The following RIC3 variants were observed in gnomAD, a reference collection of about 807,000 sequenced individuals.
The protein encoded by RIC3 is RIC3 acetylcholine receptor chaperone, also known as protein RIC-3.
RIC3 carries 28 observed loss-of-function variants against 27.3 expected under a neutral mutation model. The ratio of observed to expected loss-of-function variants is 1.02; its 90% confidence interval spans 0.76 to 1.41. The LOEUF is 1.41. Ranked by LOEUF, RIC3 falls within the 40% of genes most tolerant of loss-of-function variation. RIC3 has a pLI of 0.00. For missense variants in RIC3, 501 were observed against 444.7 expected (o/e 1.13, Z -1.14); for synonymous variants, 184 against 160.4 (o/e 1.15, Z -1.11).
chr11:8,101,546 A>G (rs772856470), downstream of RIC3: 4 of 1,614,172 alleles, frequency 2.5e-6, no homozygotes, highest in South Asian at 2.2e-5. Flanking sequence ...ATGGATTACA[A>G]CTACCCGCTG....
intron 5 of RIC3, among the ~76,000 whole-genome samples, chr11:8,120,592 G>C (rs1946327675): frequency 6.6e-6 from 1 of 152,098 alleles, no homozygotes; most frequent in South Asian, 2.1e-4. Flanking sequence ...TGAGTTGATG[G>C]GTGGAGCAAA....
intron 1 of RIC3, among the ~76,000 whole-genome samples, chr11:8,167,484 AAGATCCTAACATG>A (rs1951800761): frequency 6.6e-6 from 1 of 152,144 alleles, no homozygotes; most frequent in African/African-American, 2.4e-5. Context: ...TGAAGGTACA[AAGATCCTAACATG>A]AGAACACTGA....
the RIC3 span, among the ~76,000 whole-genome samples, chr11:8,094,729 T>C: frequency 6.6e-6 from 1 of 152,218 alleles, no homozygotes; most frequent in South Asian, 2.1e-4. Context: ...GGACAGTGAT[T>C]GGCGGTACCT....
chr11:8,105,329 A>AGAGTT (rs1217424913), downstream of RIC3: 1 of 152,222 alleles, frequency 6.6e-6, no homozygotes, highest in African/African-American at 2.4e-5. Context: ...GTCAGGGCCC[A>AGAGTT]GAGTTGGGAC....
intron 4 of RIC3, chr11:8,135,590 C>T (rs960578379): frequency 3.3e-5 from 5 of 152,116 alleles, no homozygotes; most frequent in African/African-American, 7.2e-5. Context: ...GCCATTTTCA[C>T]GATATTGATT....
downstream of RIC3, chr11:8,105,696 T>C (rs1213029548): frequency 6.7e-6 from 1 of 148,514 alleles, no homozygotes; most frequent in Non-Finnish European, 1.5e-5. Flanking sequence ...CATCACTACC[T>C]TTATAGCTCT....
At chr11:8,097,189 G>A in the RIC3 span, 1 of 1,610,864 alleles carries the variant, frequency 6.2e-7, no homozygotes, top group East Asian at 2.2e-5. Flanking sequence ...GGCTGCTTAG[G>A]GTCCTTGGGG....
the RIC3 span, among the ~76,000 whole-genome samples, chr11:8,099,671 A>C: frequency 0.48 from 72,716 of 152,160 alleles, 20,020 homozygotes; most frequent in Middle Eastern, 0.66. Context: ...CAGTGAAGTA[A>C]GTATGTTCTT....
rs188389546 is a variant in RIC3, at chr11:8,163,476, T to A, written c.124+5390A>T. On this transcript the variant is annotated intron_variant, in intron 1 of 5. Coordinates refer to ENST00000309737, the MANE Select transcript of RIC3 (RefSeq NM_001206671.4). Reference sequence around the variant, plus strand: ...AAAGTAAAAATAAAAATAAAAGGCATTCAGATTAAAAAAAAAAGTAAAACT... The same window carrying A: ...AAAGTAAAAATAAAAATAAAAGGCAATCAGATTAAAAAAAAAAGTAAAACT... 6.4e-3 allele frequency among the ~76,000 whole-genome samples: 972 copies of A among 151,764 alleles called. 22 individuals carry two copies. The highest frequency in any genetic ancestry group is 0.051 in the Admixed American group (781 of 15,232).
downstream of RIC3, chr11:8,101,487 G>A (rs200511292): frequency 6.9e-5 from 111 of 1,614,110 alleles, no homozygotes; most frequent in Middle Eastern, 1.6e-4. Flanking sequence ...TGGCCCCAGC[G>A]GACTACATCG....
chr11:8,128,277 G>A (rs1947228915), intron 4 of RIC3: 1 of 457,166 alleles, frequency 2.2e-6, no homozygotes, highest in African/African-American at 2.0e-5. Context: ...CAGACTGTAC[G>A]CAGGGCATTC....
chr11:8,139,933 A>G (rs966229493), intron 2 of RIC3, 34 bp downstream of exon 2: 2 of 1,541,930 alleles, frequency 1.3e-6, no homozygotes, highest in Non-Finnish European at 1.8e-6. Context: ...TTAGATTTTC[A>G]TTGATGTAAT....
intron 5 of RIC3, among the ~76,000 whole-genome samples, chr11:8,115,642 T>TA (rs1304828773): frequency 1.3e-5 from 2 of 152,178 alleles, no homozygotes; most frequent in Non-Finnish European, 2.9e-5. Flanking sequence ...ACTCCACCTC[T>TA]ACTAAAAATA....
At chr11:8,145,179 ATAAAAAAAAAT>A (rs1200619728) in intron 1 of RIC3, among the ~76,000 whole-genome samples, 72 of 135,030 alleles carry the variant, frequency 5.3e-4, no homozygotes, top group Admixed American at 4.9e-3. Flanking sequence ...TTAAAGTATA[ATAAAAAAAAAT>A]TAAAAAAAAA....
chr11:8,119,973 A>C (rs1043219747), intron 5 of RIC3, among the ~76,000 whole-genome samples: 4 of 152,252 alleles, frequency 2.6e-5, no homozygotes, highest in Non-Finnish European at 5.9e-5. Flanking sequence ...AGAAATGCAA[A>C]TCAAAACCAC....
At chr11:8,163,223 G>C (rs1242626479) in intron 1 of RIC3, among the ~76,000 whole-genome samples, 1 of 151,850 alleles carries the variant, frequency 6.6e-6, no homozygotes, top group Non-Finnish European at 1.5e-5. Context: ...TAGAAAAAAA[G>C]TATTTGATAA....
chr11:8,150,209 C>T (rs1212033545), intron 1 of RIC3, among the ~76,000 whole-genome samples: 1 of 152,202 alleles, frequency 6.6e-6, no homozygotes, highest in Non-Finnish European at 1.5e-5. Flanking sequence ...CTACACTTCC[C>T]AGCCTGTCAG....
intron 4 of RIC3, among the ~76,000 whole-genome samples, chr11:8,136,703 C>G (rs1243554835): frequency 6.6e-6 from 1 of 152,238 alleles, no homozygotes; most frequent in Non-Finnish European, 1.5e-5. Context: ...TTGCTCTCTT[C>G]TCTCATTTTG....
chr11:8,096,758 A>G, the RIC3 span: 1 of 1,614,130 alleles, frequency 6.2e-7, no homozygotes. Flanking sequence ...CCTCCCAGCT[A>G]AATAGTAACA....
Sources: gnomAD v4.1 joint callset for allele counts (sites outside exome capture counted in the v4.1 genomes callset) on GRCh38, gnomAD v4.1.1 for gene constraint, MANE v1.5 for transcripts, NCBI Gene and HGNC (gene_info 2026-07-23, HGNC 2026-07-21) for gene names.